The following ESR1 variants were observed in gnomAD, a reference collection of about 807,000 sequenced individuals.
ESR1 encodes estrogen receptor 1.
Under a neutral mutation model 52.7 loss-of-function variants are expected in ESR1, and 12 were observed. The observed-to-expected ratio is 0.23, with a 90% CI of 0.15 to 0.37. ESR1 has a LOEUF of 0.37. Ranked by LOEUF, ESR1 falls within the 10% of genes least tolerant of loss-of-function variation. The pLI, the probability that ESR1 is intolerant of heterozygous loss-of-function variation, is 1.00. For missense variants in ESR1, 584 were observed against 779.7 expected (o/e 0.75, Z 2.99); for synonymous variants, 305 against 316.8 (o/e 0.96, Z 0.39).
chr6:151,800,537 C>G (rs535639425), upstream of ESR1, among the ~76,000 whole-genome samples: 35 of 152,102 alleles, frequency 2.3e-4, no homozygotes, highest in African/African-American at 8.0e-4. Context: ...AGGCTGGGAC[C>G]CTACTCTGAT....
intron 4 of ESR1, among the ~76,000 whole-genome samples, chr6:151,956,863 A>ATATATAT (rs1175773832): frequency 9.3e-5 from 5 of 53,902 alleles, no homozygotes; most frequent in Non-Finnish European, 2.5e-4. Context: ...TATATATATA[A>ATATATAT]ATATATATAT....
chr6:151,927,895 T>G (rs2033003202), intron 3 of ESR1, among the ~76,000 whole-genome samples: 1 of 147,338 alleles, frequency 6.8e-6, no homozygotes. Flanking sequence ...TTTTTTTTTT[T>G]GTATTTTTAG....
At chr6:152,030,538 A>G (rs1205237635) in intron 5 of ESR1, among the ~76,000 whole-genome samples, 1 of 152,220 alleles carries the variant, frequency 6.6e-6, no homozygotes, top group Non-Finnish European at 1.5e-5. Flanking sequence ...AAAGAGACAA[A>G]GAAGGCCATT....
At chr6:151,710,860 T>C (rs1325336977) in intron 2 of ESR1, among the ~76,000 whole-genome samples, 2 of 152,188 alleles carry the variant, frequency 1.3e-5, no homozygotes, top group African/African-American at 4.8e-5. Context: ...TTCATCCATG[T>C]CCCTACAAAG....
At chr6:151,936,711 A>G (rs1249395316) in intron 3 of ESR1, among the ~76,000 whole-genome samples, 1 of 152,206 alleles carries the variant, frequency 6.6e-6, no homozygotes, top group East Asian at 1.9e-4. Context: ...CTTGGACATC[A>G]ATCAGTGCAG....
In ESR1 at chr6:152,094,342, C is replaced by T. The variant is rs765171745; in HGVS notation, c.1370-43C>T. 2 of 1,579,746 alleles carry T rather than the reference C, an allele frequency of 1.3e-6. 1 individual carries two copies. The highest frequency in any genetic ancestry group is 2.2e-5 in the South Asian group (2 of 90,330). On this transcript the variant is annotated intron_variant, in intron 6 of 7. Coordinates refer to ENST00000206249, the MANE Select transcript of ESR1 (RefSeq NM_000125.4). The surrounding 1 kb of genome is among the most constrained non-coding windows in gnomAD (Gnocchi z 4.6). ...ACACTCTGGGTCTCCTAGACCTCAT[C>T]CTCTTTGAGCTTCTCTCTCTCACTC...
chr6:151,979,362 G>T (rs944475485), intron 4 of ESR1, among the ~76,000 whole-genome samples: 1 of 152,020 alleles, frequency 6.6e-6, no homozygotes, highest in Non-Finnish European at 1.5e-5. Context: ...AACAAAATTG[G>T]TTTAAATTAT....
In ESR1 at chr6:152,101,249, A is replaced by G. The variant is rs1221049818; in HGVS notation, c.*2283A>G. 3 of 232,252 alleles carry G rather than the reference A, an allele frequency of 1.3e-5. No individual in the cohort carries two copies. Among genetic ancestry groups the G allele is most frequent in the Non-Finnish European group, 2.6e-5 (3 of 117,318 alleles). The allele number at this position is 232,252 out of a possible 1,614,324, so 14.4% of individuals were successfully genotyped here. ...GCAAAGATTATGCCTGAAAAGGAAA[A>G]TTATTCAGGGCAGCTAATTTTGCTT... On this transcript the variant is annotated 3_prime_UTR_variant, in exon 8 of 8. Coordinates refer to ENST00000206249, the MANE Select transcript of ESR1 (RefSeq NM_000125.4).
At chr6:151,810,082 C>T (rs908588080) in intron 1 of ESR1, among the ~76,000 whole-genome samples, 6 of 152,152 alleles carry the variant, frequency 3.9e-5, no homozygotes, top group South Asian at 2.1e-4. Flanking sequence ...TGAGACTGCT[C>T]CTTGGTAGAT....
In ESR1 at chr6:151,988,750, CA is replaced by C. The variant is rs567373541; in HGVS notation, c.1097-22901del. On this transcript the variant is annotated intron_variant, in intron 4 of 7. Transcript: ENST00000206249. ...AAAATAAATGTTAAAAAATTCCCTC[CA>C]AAAAGGATATATTTGCATCGGAGTT... Among the ~76,000 whole-genome samples the C allele has an allele frequency of 3.2e-3, 485 of 151,988 alleles. 8 individuals carry two copies. The highest frequency in any genetic ancestry group is 0.011 in the African/African-American group (460 of 41,390).
At chr6:151,841,961 C>T (rs773746000) in intron 1 of ESR1, among the ~76,000 whole-genome samples, 20 of 152,180 alleles carry the variant, frequency 1.3e-4, no homozygotes, top group Non-Finnish European at 2.1e-4. Flanking sequence ...TTAAACAATT[C>T]TCCTGCTTTG....
At chr6:151,790,931 A>T (rs545681910) in intron 2 of ESR1, among the ~76,000 whole-genome samples, 119 of 152,338 alleles carry the variant, frequency 7.8e-4, no homozygotes, top group African/African-American at 2.5e-3. Context: ...GGGCATGAAA[A>T]AAACCTAACT....
chr6:151,695,589 C>G (rs533540516), intron 1 of ESR1, among the ~76,000 whole-genome samples: 1 of 152,156 alleles, frequency 6.6e-6, no homozygotes, highest in Non-Finnish European at 1.5e-5. Context: ...CTTTTGCAAA[C>G]GGATGATCTG....
At chr6:151,758,717 A>G (rs912814641) in intron 2 of ESR1, among the ~76,000 whole-genome samples, 1 of 151,058 alleles carries the variant, frequency 6.6e-6, no homozygotes, top group Admixed American at 6.6e-5. Context: ...ATATCATGCC[A>G]CTGCACTCCA....
chr6:151,818,808 T>C (rs3866460), intron 1 of ESR1, among the ~76,000 whole-genome samples: 34,070 of 150,738 alleles, frequency 0.23, 4,826 homozygotes, highest in African/African-American at 0.41. Context: ...TACACATATA[T>C]ACACACACAC....
chr6:151,774,161 C>T (rs899671724), intron 2 of ESR1, among the ~76,000 whole-genome samples: 1 of 152,172 alleles, frequency 6.6e-6, no homozygotes, highest in African/African-American at 2.4e-5. Flanking sequence ...TAAATTTGGA[C>T]TATAATAACC....
At chr6:151,761,018 A>G (rs1784621792) in intron 2 of ESR1, among the ~76,000 whole-genome samples, 2 of 152,326 alleles carry the variant, frequency 1.3e-5, no homozygotes, top group Middle Eastern at 3.4e-3. Context: ...GTTACTTTCA[A>G]GAAGGTAACT....
intron 1 of ESR1, among the ~76,000 whole-genome samples, chr6:151,833,299 G>A (rs1782750328): frequency 6.6e-6 from 1 of 152,180 alleles, no homozygotes; most frequent in Admixed American, 6.5e-5. Flanking sequence ...AGTCTTTTGG[G>A]TGGGACATTC....
intron 3 of ESR1, among the ~76,000 whole-genome samples, chr6:151,923,081 A>G (rs1248226012): frequency 6.6e-6 from 1 of 152,180 alleles, no homozygotes; most frequent in Non-Finnish European, 1.5e-5. Context: ...ATCTGTACTC[A>G]TGTACGAAAC....
Sources: gnomAD v4.1 joint callset for allele counts (sites outside exome capture counted in the v4.1 genomes callset) on GRCh38, gnomAD v4.1.1 for gene constraint, Gnocchi (gnomAD v3.1) non-coding constraint, MANE v1.5 for transcripts, NCBI Gene and HGNC (gene_info 2026-07-23, HGNC 2026-07-21) for gene names.